Variants in ZNF155 observed in about 807,000 individuals in gnomAD.
The protein encoded by ZNF155 is zinc finger protein 155, also known as KRAB A domain.
A neutral mutation model predicts 11.9 loss-of-function variants in ZNF155; 15 were observed. That is an observed-to-expected ratio of 1.26 (90% CI 0.84 to 1.94). The LOEUF is 1.94. ZNF155 is among the 30% of genes most tolerant of loss of function. The pLI is 0.00. For missense variants in ZNF155, 602 were observed against 639.1 expected (o/e 0.94, Z 0.63); for synonymous variants, 212 against 219.9 (o/e 0.96, Z 0.32).
chr19:43,996,524 CAGAG>C lies in ZNF155; in HGVS notation c.670_673del (p.Arg224SerfsTer133), dbSNP rs777197778. 19 of 1,614,184 alleles carry C rather than the reference CAGAG, an allele frequency of 1.2e-5. No individual in the cohort carries two copies. In the African/African-American group the frequency reaches 2.1e-4, roughly 18 times the overall value. The stretch of plus-strand genomic sequence containing the variant: ...TCAAAGCTCACATCTGCAAACTCAT[CAGAG>C]AGTCCACACTGGAGAGAAACCATTC... On this transcript the variant is annotated frameshift_variant, in exon 5 of 5. Transcript: ENST00000270014. LOFTEE classifies it low-confidence loss of function (END_TRUNC).
At position 43,986,449 on chromosome 19, in the gene ZNF155, G is replaced by GTT. The variant is rs869271791; in HGVS notation, c.-85-1992_-85-1991dup. ...CTCATCCAATATTATTCCCATTTGT[G>GTT]TTTTTTTTTTTTTTTTTTTAGACGG... On this transcript the variant is annotated intron_variant, in intron 1 of 4. Coordinates refer to ENST00000270014, the MANE Select transcript of ZNF155 (RefSeq NM_198089.3). Among the ~76,000 whole-genome samples the GTT allele has an allele frequency of 4.2e-3, 244 of 58,026 alleles. 6 individuals are homozygous for GTT. The highest frequency in any genetic ancestry group is 8.3e-3 in the African/African-American group (226 of 27,384). The allele number at this position is 58,026 out of a possible 152,430, so 38.1% of individuals were successfully genotyped here.
intron 2 of ZNF155, among the ~76,000 whole-genome samples, chr19:43,989,742 T>C (rs1975588257): frequency 6.6e-6 from 1 of 152,140 alleles, no homozygotes; most frequent in Admixed American, 6.5e-5. Context: ...TTATAGAAAA[T>C]CTTTAAATCC....
chr19:43,996,248 C>T lies in ZNF155; in HGVS notation c.391C>T (p.Pro131Ser). ...TCAGTTCTTTGAAAATGGTGATGTC[C>T]CCTCCCAGGTTGAAGCAGGACTACC... ...NSQFFENGDVPSQVEAGLPTI... is the reference protein window; with the variant it reads ...NSQFFENGDVSSQVEAGLPTI... The change falls in exon 5 of 5, where the codon CCC (proline) becomes TCC (serine). Residue 131 changes from proline (P) to serine (S), a missense_variant. Physicochemically the swap from Pro to Ser is moderately conservative, Grantham distance 74. Transcript: ENST00000270014. The T allele has an allele frequency of 6.2e-7, 1 of 1,614,092 alleles. No homozygotes were observed. The highest frequency in any genetic ancestry group is 8.5e-7 in the Non-Finnish European group (1 of 1,179,990).
intron 4 of ZNF155, among the ~76,000 whole-genome samples, chr19:43,993,247 T>G (rs1422018620): frequency 1.3e-5 from 2 of 152,200 alleles, no homozygotes; most frequent in Non-Finnish European, 2.9e-5. Context: ...CAAGTTTTGT[T>G]TTCAAAAACA....
At chr19:43,986,964 A>G (rs1975483149) in intron 1 of ZNF155, among the ~76,000 whole-genome samples, 1 of 152,210 alleles carries the variant, frequency 6.6e-6, no homozygotes, top group Non-Finnish European at 1.5e-5. Context: ...AGACGATTGT[A>G]GATTTCTGCA....
chr19:43,993,419 T>C (rs1412336211), intron 4 of ZNF155, among the ~76,000 whole-genome samples: 1 of 152,174 alleles, frequency 6.6e-6, no homozygotes, highest in African/African-American at 2.4e-5. Flanking sequence ...TTCTTATTAA[T>C]TTAATTTATT....
intron 2 of ZNF155, among the ~76,000 whole-genome samples, chr19:43,989,725 A>G (rs951308113): frequency 6.6e-5 from 10 of 152,214 alleles, no homozygotes; most frequent in Non-Finnish European, 1.0e-4. Context: ...ACTGATTACC[A>G]TAGTTGTTAT....
Position 43,991,596 on chromosome 19 carries a change from C to A in ZNF155, c.64C>A (p.Leu22Met). 6.2e-7 allele frequency: 1 copy of A among 1,614,038 alleles called. No homozygotes were observed. Among genetic ancestry groups the A allele is most frequent in the Non-Finnish European group, 8.5e-7 (1 of 1,180,016 alleles). ...GGCTGTGGTCTTCACTGAGGAGGAG[C>A]TGGGGCTGCTGGACCCTGCCCAGAG... The part of the protein sequence containing the change: ...DVAVVFTEEE[L>M]GLLDPAQRKL... The change falls in exon 3 of 5, where the codon CTG becomes ATG. Residue 22 changes from leucine (L) to methionine (M), a missense_variant. Transcript: ENST00000270014.
intron 4 of ZNF155, among the ~76,000 whole-genome samples, chr19:43,994,754 T>C (rs1345704806): frequency 6.6e-6 from 1 of 152,180 alleles, no homozygotes; most frequent in Non-Finnish European, 1.5e-5. Context: ...TCACAGAAAC[T>C]CACCTAAGTG....
chr19:43,987,690 T>C (rs897981082), intron 1 of ZNF155, among the ~76,000 whole-genome samples: 7 of 152,222 alleles, frequency 4.6e-5, no homozygotes, highest in Admixed American at 1.3e-4. Context: ...GGGAGATACA[T>C]TATTAATGGG....
Position 43,997,256 on chromosome 19 carries a change from C to T in ZNF155, c.1399C>T (p.Arg467Trp), listed in dbSNP as rs147749364. The change falls in exon 5 of 5, where the codon CGG becomes TGG. Residue 467 changes from arginine (R) to tryptophan (W), a missense_variant. Coordinates refer to ENST00000270014, the MANE Select transcript of ZNF155 (RefSeq NM_198089.3). ...NCKECGKNFSRASSILNHKRL... is the reference protein window; with the variant it reads ...NCKECGKNFSWASSILNHKRL... ...TAAGGAATGTGGGAAGAACTTTAGC[C>T]GGGCCTCAAGTATTTTGAATCATAA... 20 of 1,613,788 alleles carry T rather than the reference C, an allele frequency of 1.2e-5. No individual in the cohort carries two copies. Among genetic ancestry groups the T allele is most frequent in the African/African-American group, 6.7e-5 (5 of 74,808 alleles).
rs558398145 is a variant in ZNF155 at position 43,986,097 on chromosome 19, C to A, written c.-86+1852C>A. On this transcript the variant is annotated intron_variant, in intron 1 of 4. Transcript: ENST00000270014. ...AGTCTTTTAAAAATTTGTCAACATC[C>A]TGTTTCACTTTTTATAAGGATTTTG... Among the ~76,000 whole-genome samples the A allele has an allele frequency of 3.9e-5, 6 of 152,320 alleles. No homozygotes were observed. The East Asian group carries it at 7.7e-4, about 20-fold the overall frequency.
At chr19:43,985,782 C>T (rs1309460164) in intron 1 of ZNF155, among the ~76,000 whole-genome samples, 1 of 152,048 alleles carries the variant, frequency 6.6e-6, no homozygotes, top group Non-Finnish European at 1.5e-5. Context: ...CCTCGTGATC[C>T]GACCGCCTTG....
rs781540897 is a variant in ZNF155 at position 43,996,984 on chromosome 19, A to G, written c.1127A>G (p.Glu376Gly). 9 of 1,614,054 alleles carry G rather than the reference A, an allele frequency of 5.6e-6. No individual in the cohort carries two copies. The African/African-American group carries it at 1.2e-4, about 22-fold the overall frequency. The change falls in exon 5 of 5, where the codon GAA becomes GGA. Residue 376 changes from glutamate to glycine, a missense_variant. Coordinates refer to ENST00000270014, the MANE Select transcript of ZNF155 (RefSeq NM_198089.3). ...HTGEKPYNCK[E>G]CGKSFRWSSC... is the part of the protein sequence containing the mutation. ...GGAGAAAAACCATATAATTGTAAAGAATGTGGGAAGAGCTTCAGATGGTCC... is the reference window on the plus strand; with the variant it reads ...GGAGAAAAACCATATAATTGTAAAGGATGTGGGAAGAGCTTCAGATGGTCC...
At chr19:43,991,718 G>C (rs748396591) in intron 3 of ZNF155, 44 bp downstream of exon 3, 2 of 1,613,276 alleles carry the variant, frequency 1.2e-6, no homozygotes, top group Admixed American at 1.7e-5. Context: ...GGCCTCAGGA[G>C]TGGTTTTGTA....
intron 2 of ZNF155, among the ~76,000 whole-genome samples, chr19:43,990,776 C>T (rs1003368225): frequency 6.6e-6 from 1 of 152,122 alleles, no homozygotes; most frequent in Non-Finnish European, 1.5e-5. Flanking sequence ...CAACAGATTA[C>T]GTGAAGCAGA....
intron 1 of ZNF155, among the ~76,000 whole-genome samples, chr19:43,987,348 G>GGATTTT (rs1173133891): frequency 2.0e-5 from 3 of 152,136 alleles, no homozygotes; most frequent in Non-Finnish European, 4.4e-5. Flanking sequence ...TAATCTGGAA[G>GGATTTT]GATTTCACAG....
chr19:43,984,536 C>T (rs191848315), intron 1 of ZNF155, among the ~76,000 whole-genome samples: 1 of 152,164 alleles, frequency 6.6e-6, no homozygotes, highest in Non-Finnish European at 1.5e-5. Flanking sequence ...AGTCCGCCTC[C>T]CTCCACTCTT....
chr19:43,988,024 G>T (rs1206755004), intron 1 of ZNF155, among the ~76,000 whole-genome samples: 1 of 152,138 alleles, frequency 6.6e-6, no homozygotes, highest in African/African-American at 2.4e-5. Flanking sequence ...AGTGGCTCAT[G>T]CCTGTAATCT....
Sources: allele counts gnomAD v4.1 joint callset (sites outside exome capture counted in the v4.1 genomes callset), GRCh38; gene constraint gnomAD v4.1.1; transcripts MANE v1.5; gene names NCBI Gene and HGNC (gene_info 2026-07-23, HGNC 2026-07-21).